The following ANGPTL5 variants were observed in gnomAD, a reference collection of about 807,000 sequenced individuals.
ANGPTL5 encodes angiopoietin like 5, also known as angiopoietin-related protein 5.
Under a neutral mutation model 39.4 loss-of-function variants are expected in ANGPTL5, and 34 were observed. The observed-to-expected ratio is 0.86, with a 90% CI of 0.66 to 1.15. ANGPTL5 has a LOEUF of 1.15. Among genes scored for constraint, ANGPTL5 ranks in the 50% most tolerant of loss-of-function variants. The pLI is 0.00. For missense variants in ANGPTL5, 467 were observed against 457.5 expected, an observed-to-expected ratio of 1.02 and a Z score of -0.19; for synonymous variants, 146 against 152.1, an observed-to-expected ratio of 0.96 and a Z score of 0.29.
At chr11:101,913,763 A>C (rs901577894) in intron 1 of ANGPTL5, among the ~76,000 whole-genome samples, 1 of 152,192 alleles carries the variant, frequency 6.6e-6, no homozygotes, top group Non-Finnish European at 1.5e-5. Context: ...TCTCATATTC[A>C]TCTGTACTTT....
rs1355802898 is a variant in ANGPTL5 at position 101,891,659 on chromosome 11, T to C, written c.848-61A>G. The C allele has an allele frequency of 2.0e-6, 3 of 1,477,648 alleles. No individual in the cohort carries two copies. In the African/African-American group the frequency reaches 4.2e-5, roughly 21 times the overall value. 91.5% of individuals were successfully genotyped at this position (1,477,648 alleles called of 1,614,324 possible). On this transcript the variant is annotated intron_variant, in intron 8 of 8. Coordinates refer to ENST00000334289, the MANE Select transcript of ANGPTL5 (RefSeq NM_178127.5). The stretch of plus-strand genomic sequence containing the variant: ...AAATTTCTATTATTTTAATTAATCA[T>C]TACCAGCATATTAGGCAAGAGCACC...
chr11:101,908,009 G>A lies in ANGPTL5; in HGVS notation c.-92-8C>T, dbSNP rs1414820397. ...GTCTTCAGTTAAAAACCTCTGGAAA[G>A]CGTACAACAAAAACATAAGCCAAAA... On this transcript the variant is annotated splice_polypyrimidine_tract_variant and splice_region_variant and intron_variant, in intron 1 of 8. Transcript: ENST00000334289. The A allele has an allele frequency of 1.8e-5, 16 of 873,930 alleles. No individual in the cohort carries two copies. Among genetic ancestry groups the A allele is most frequent in the Non-Finnish European group, 2.6e-5 (14 of 541,118 alleles). 54.1% of individuals were successfully genotyped at this position (873,930 alleles called of 1,614,324 possible).
rs1939687459 is a variant in ANGPTL5 at position 101,891,302 on chromosome 11, T to C, written c.1144A>G (p.Met382Val). 1.2e-6 allele frequency: 2 copies of C among 1,612,332 alleles called. No individual in the cohort carries two copies. The highest frequency in any genetic ancestry group is 1.7e-6 in the Non-Finnish European group (2 of 1,178,392). Residue 382 changes from methionine (M) to valine (V), a missense_variant, in exon 9 of 9, where the codon ATG becomes GTG. Transcript: ENST00000334289. ...GATTATTTAAAATATGGATTGTACATTCTTCTAATTTTCATTGAAACAGAT... is the reference window on the plus strand; with the variant it reads ...GATTATTTAAAATATGGATTGTACACTCTTCTAATTTTCATTGAAACAGAT... ...IKSVSMKIRR[M>V]YNPYFK
Position 101,891,274 on chromosome 11 carries a change from T to G in ANGPTL5, c.*5A>C. ...GTAGAACTTGCATTACAATGTTAAA[T>G]GAGATTATTTAAAATATGGATTGTA... On this transcript the variant is annotated 3_prime_UTR_variant, in exon 9 of 9. Coordinates refer to ENST00000334289, the MANE Select transcript of ANGPTL5 (RefSeq NM_178127.5). 11 of 1,594,500 alleles carry G rather than the reference T, an allele frequency of 6.9e-6. No individual in the cohort carries two copies. The highest frequency in any genetic ancestry group is 1.1e-5 in the South Asian group (1 of 90,518).
rs144300304 is a variant in ANGPTL5 at position 101,907,869 on chromosome 11, A to G, written c.41T>C (p.Val14Ala). The G allele has an allele frequency of 3.7e-6, 6 of 1,610,944 alleles. No individual in the cohort carries two copies. In the African/African-American group the frequency reaches 6.7e-5, roughly 18 times the overall value. ...AGCTTCTCCACAAATAAAAATACAT[A>G]CATTTAAGAATAAGAGTGAGGCTTG... ...PSQASLLFLN[V>A]CIFICGEAVQ... The change falls in exon 2 of 9, where the codon GTA becomes GCA. Residue 14 changes from valine to alanine, a missense_variant. Physicochemically the swap from Val to Ala is moderately conservative, Grantham distance 64. Transcript: ENST00000334289.
At position 101,904,671 on chromosome 11, in the gene ANGPTL5, A is replaced by T. The variant is rs1939966899; in HGVS notation, c.439+143T>A. 11 of 696,830 alleles carry T rather than the reference A, an allele frequency of 1.6e-5. No individual in the cohort carries two copies. The East Asian group carries it at 2.9e-4, about 19-fold the overall frequency. 43.2% of individuals were successfully genotyped at this position (696,830 alleles called of 1,614,324 possible). A position where few individuals can be genotyped will look rare whatever the true frequency, so the allele number is the denominator to read the frequency against. ...ACGTTGTCTATGGTGAAATTTGCTTAATAGCAGGTATTAGCCCTCCAGTCT... is the reference window on the plus strand; with the variant it reads ...ACGTTGTCTATGGTGAAATTTGCTTTATAGCAGGTATTAGCCCTCCAGTCT... On this transcript the variant is annotated intron_variant, in intron 5 of 8. Transcript: ENST00000334289.
intron 7 of ANGPTL5, 35 bp downstream of exon 7, chr11:101,900,395 T>C: frequency 6.3e-7 from 1 of 1,598,900 alleles, no homozygotes; most frequent in Non-Finnish European, 8.6e-7. Context: ...TCAAAAAGAG[T>C]AAACAATGTA....
At chr11:101,909,385 C>T (rs1940053439) in intron 1 of ANGPTL5, among the ~76,000 whole-genome samples, 2 of 152,244 alleles carry the variant, frequency 1.3e-5, no homozygotes, top group South Asian at 4.2e-4. Flanking sequence ...GACAAAGTTA[C>T]TAATATTGCT....
At chr11:101,915,186 G>A in intron 1 of ANGPTL5, 3 of 1,537,500 alleles carry the variant, frequency 2.0e-6, no homozygotes, top group Non-Finnish European at 2.6e-6. Context: ...GGGCCTGAGA[G>A]ACGGAGTGTA....
intron 1 of ANGPTL5, chr11:101,915,242 G>C (rs1940176494): frequency 6.2e-7 from 1 of 1,609,810 alleles, no homozygotes; most frequent in Admixed American, 1.7e-5. Context: ...CTGCCATGAG[G>C]GAGGTTCTGG....
At chr11:101,915,567 T>C (rs1940191629) in intron 1 of ANGPTL5, among the ~76,000 whole-genome samples, 1 of 152,200 alleles carries the variant, frequency 6.6e-6, no homozygotes, top group Non-Finnish European at 1.5e-5. Context: ...GTGTCTCACC[T>C]TAGACCTGAA....
chr11:101,903,906 A>C (rs141338199), intron 5 of ANGPTL5, among the ~76,000 whole-genome samples: 194 of 152,190 alleles, frequency 1.3e-3, no homozygotes, highest in African/African-American at 4.4e-3. Context: ...CCTTGTGATA[A>C]ACATTTGATT....
chr11:101,913,960 TGAA>T (rs1940138095), intron 1 of ANGPTL5, among the ~76,000 whole-genome samples: 1 of 152,220 alleles, frequency 6.6e-6, no homozygotes, highest in South Asian at 2.1e-4. Context: ...GGTATGCTTC[TGAA>T]GGAGAGTTCA....
chr11:101,894,945 TATC>T lies in ANGPTL5; in HGVS notation c.778_780del (p.Asp260del). Reference sequence around the variant, plus strand: ...CTCGTTTCATCCTCTAGCCAAAAATTATCATATGATGCATAAGCAAGAGTGTCA... The same window carrying T: ...CTCGTTTCATCCTCTAGCCAAAAATTATATGATGCATAAGCAAGAGTGTCA... On this transcript the variant is annotated inframe_deletion, in exon 8 of 9. Transcript: ENST00000334289. The T allele has an allele frequency of 6.2e-7, 1 of 1,613,258 alleles. No homozygotes were observed. Among genetic ancestry groups the T allele is most frequent in the Non-Finnish European group, 8.5e-7 (1 of 1,179,418 alleles).
chr11:101,906,198 C>A (rs1351926966), intron 3 of ANGPTL5, among the ~76,000 whole-genome samples: 2 of 152,094 alleles, frequency 1.3e-5, no homozygotes, highest in Admixed American at 1.3e-4. Context: ...TCAATTCTTA[C>A]TGTAAAAGAA....
At chr11:101,902,770 A>G in intron 5 of ANGPTL5, 49 bp from the exon 6 acceptor site, 1 of 1,232,582 alleles carries the variant, frequency 8.1e-7, no homozygotes, top group Non-Finnish European at 1.2e-6. Context: ...TGTACATTTA[A>G]GGCAATCATT....
At chr11:101,915,369 GGC>G in intron 1 of ANGPTL5, 1 of 1,613,884 alleles carries the variant, frequency 6.2e-7, no homozygotes, top group Non-Finnish European at 8.5e-7. Context: ...AGCCCCCCTC[GGC>G]CCTCGGGAGA....
intron 1 of ANGPTL5, chr11:101,915,419 T>C: frequency 6.2e-7 from 1 of 1,603,014 alleles, no homozygotes; most frequent in Non-Finnish European, 8.5e-7. Flanking sequence ...ACCTGTATCC[T>C]TCCCAGCCTG....
intron 3 of ANGPTL5, among the ~76,000 whole-genome samples, 185 bp downstream of exon 3, chr11:101,906,918 G>A (rs753124137): frequency 2.6e-5 from 4 of 152,008 alleles, no homozygotes; most frequent in Non-Finnish European, 5.9e-5. Flanking sequence ...CATAGAGAAA[G>A]GATCCATTCA....
Sources: gnomAD v4.1 joint callset for allele counts (sites outside exome capture counted in the v4.1 genomes callset) on GRCh38, gnomAD v4.1.1 for gene constraint, MANE v1.5 for transcripts, NCBI Gene and HGNC (gene_info 2026-07-23, HGNC 2026-07-21) for gene names.